The following E2F7 variants were observed in gnomAD, a reference collection of about 807,000 sequenced individuals.
E2F7 encodes the protein transcription factor E2F7.
Under a neutral mutation model 81.1 loss-of-function variants are expected in E2F7, and 35 were observed. The observed-to-expected ratio is 0.43, with a 90% confidence interval of 0.33 to 0.57. The LOEUF (loss-of-function observed/expected upper bound fraction) is 0.57, where lower values mean the gene tolerates loss of function less well. Ranked by LOEUF, E2F7 falls within the 20% of genes least tolerant of loss-of-function variation. E2F7 has a pLI of 0.04. For missense variants in E2F7, 961 were observed against 1,093.7 expected (o/e 0.88, Z 1.71); for synonymous variants, 416 against 416.2 (o/e 1.00, Z 0.01).
intron 2 of E2F7, among the ~76,000 whole-genome samples, chr12:77,059,880 G>A (rs943212790): frequency 4.7e-5 from 7 of 149,818 alleles, no homozygotes; most frequent in South Asian, 4.3e-4. Flanking sequence ...GGAGAATAGC[G>A]TGAACCCAGG....
At chr12:77,031,494 A>G (rs1038330572) in intron 9 of E2F7, among the ~76,000 whole-genome samples, 12 of 152,118 alleles carry the variant, frequency 7.9e-5, no homozygotes, top group African/African-American at 2.9e-4. Context: ...TACAAAAATT[A>G]GCTGGGCATG....
In E2F7 at chr12:77,033,051, G is replaced by A; in HGVS notation, c.1381C>T (p.Gln461Ter). 1 of 1,612,832 alleles carries A rather than the reference G, an allele frequency of 6.2e-7. No individual in the cohort carries two copies. Among genetic ancestry groups the A allele is most frequent in the Non-Finnish European group, 8.5e-7 (1 of 1,179,432 alleles). Reference sequence around the variant, plus strand: ...TCTGAGCTTTTATAGACTACTTACTGTGAATTGTCTTCTATTTTCTGTCTA... The same window carrying A: ...TCTGAGCTTTTATAGACTACTTACTATGAATTGTCTTCTATTTTCTGTCTA... ...VYRQKIEDNSQGKAFASKRVV... is the reference protein window; with the variant it reads ...VYRQKIEDNS Residue 461 changes from glutamine (Q) to a stop codon, truncating the protein, a stop_gained and splice_region_variant, in exon 9 of 13, where the codon CAG (glutamine) becomes TAG (stop). Coordinates refer to ENST00000322886, the MANE Select transcript of E2F7 (RefSeq NM_203394.3). LOFTEE classifies it high-confidence loss of function.
chr12:77,023,335 G>A lies in E2F7; in HGVS notation c.*680C>T, dbSNP rs1954729519. On this transcript the variant is annotated 3_prime_UTR_variant, in exon 13 of 13. Coordinates refer to ENST00000322886, the MANE Select transcript of E2F7 (RefSeq NM_203394.3). The stretch of plus-strand genomic sequence containing the variant: ...GGTTAGCACAGTTCATTTACAGCAA[G>A]GTGTGTCATTCACAGTTATTTTGGT... The A allele has an allele frequency of 6.6e-6, 1 of 152,624 alleles. No individual in the cohort carries two copies. Among genetic ancestry groups the A allele is most frequent in the Admixed American group, 6.5e-5 (1 of 15,274 alleles). 9.5% of individuals were successfully genotyped at this position (152,624 alleles called of 1,614,324 possible).
At chr12:77,028,659 A>G (rs1197619270) in intron 10 of E2F7, among the ~76,000 whole-genome samples, 2 of 151,932 alleles carry the variant, frequency 1.3e-5, no homozygotes, top group African/African-American at 2.4e-5. Context: ...TATTTTTAGT[A>G]GAGACAGGGT....
rs1954908463 is a variant in E2F7, at chr12:77,043,195, C to G, written c.993G>C (p.Lys331Asn). 6.2e-7 allele frequency: 1 copy of G among 1,614,024 alleles called. No homozygotes were observed. The highest frequency in any genetic ancestry group is 8.5e-7 in the Non-Finnish European group (1 of 1,180,006). Residue 331 changes from lysine to asparagine, a missense_variant, in exon 7 of 13, where the codon AAG (lysine) becomes AAC (asparagine). This residue lies in a region of E2F7 where 301 missense variants were observed against 405.0 expected (regional missense o/e 0.74). Transcript: ENST00000322886. ...DAPDHSKFKT[K>N]VRRLYDIANV... Reference sequence around the variant, plus strand: ...TGGCTATGTCATAGAGGCGTCGTACCTTTGCTTGAAGATATAAAACACGAT... The same window carrying G: ...TGGCTATGTCATAGAGGCGTCGTACGTTTGCTTGAAGATATAAAACACGAT...
chr12:77,027,027 A>G (rs1954765427), intron 11 of E2F7, among the ~76,000 whole-genome samples: 1 of 152,170 alleles, frequency 6.6e-6, no homozygotes, highest in Non-Finnish European at 1.5e-5. Flanking sequence ...GGCTGAATCT[A>G]TTTTTGTTCA....
At chr12:77,028,722 C>T (rs1167522745) in intron 10 of E2F7, among the ~76,000 whole-genome samples, 2 of 152,136 alleles carry the variant, frequency 1.3e-5, no homozygotes, top group African/African-American at 4.8e-5. Flanking sequence ...GATCCGCCCG[C>T]CTCGGCCTCC....
At chr12:77,053,443 A>C (rs574347419) in intron 3 of E2F7, among the ~76,000 whole-genome samples, 1 of 152,314 alleles carries the variant, frequency 6.6e-6, no homozygotes, top group South Asian at 2.1e-4. Context: ...GGAAGACTCC[A>C]GTGTACACTT....
Position 77,043,152 on chromosome 12 carries a change from C to A in E2F7, c.1036G>T (p.Ala346Ser). ...YDIANVLTSLALIKKVHVTEE... is the reference protein window; with the variant it reads ...YDIANVLTSLSLIKKVHVTEE... ...GTTACATGCACTTTCTTTATCAGAG[C>A]CAAGCTGGTCAGAACATTGGCTATG... Residue 346 changes from alanine to serine, a missense_variant, in exon 7 of 13, where the codon GCT (alanine) becomes TCT (serine). Physicochemically the swap from Ala to Ser is moderately conservative, Grantham distance 99 (BLOSUM62 1). Coordinates refer to ENST00000322886, the MANE Select transcript of E2F7 (RefSeq NM_203394.3). 2 of 1,614,150 alleles carry A rather than the reference C, an allele frequency of 1.2e-6. No individual in the cohort carries two copies. The highest frequency in any genetic ancestry group is 2.2e-5 in the South Asian group (2 of 91,082).
chr12:77,036,080 C>G (rs1246780836), intron 7 of E2F7, among the ~76,000 whole-genome samples: 3 of 110,474 alleles, frequency 2.7e-5, no homozygotes, highest in East Asian at 4.6e-4. Context: ...TAAGTGGAAT[C>G]TGTAAAAATA....
Position 77,025,624 on chromosome 12 carries a change from A to G in E2F7, c.2499T>C (p.Ser833=). The G allele has an allele frequency of 3.1e-6, 5 of 1,614,186 alleles. No homozygotes were observed. Among genetic ancestry groups the G allele is most frequent in the Non-Finnish European group, 4.2e-6 (5 of 1,180,032 alleles). ...NLSPVMSRSH[S]VVQQPESPVY... ...CGGGGGACTCAGGTTGTTGGACGAC[A>G]CTGTGTGACCTTGACATCACTGGAC... is the stretch of plus-strand genomic sequence containing the variant. Residue 833 remains serine (S), a synonymous_variant, in exon 12 of 13, where the codon AGT becomes AGC. Transcript: ENST00000322886.
In E2F7 at chr12:77,046,311, T is replaced by C; in HGVS notation, c.556A>G (p.Ile186Val). The change falls in exon 5 of 13, where the codon ATC (isoleucine) becomes GTC (valine). Residue 186 changes from isoleucine (I) to valine (V), a missense_variant. This residue lies in a region of E2F7 where 301 missense variants were observed against 405.0 expected (regional missense o/e 0.74). Transcript: ENST00000322886. ...TCCAGCACATTTACAATGTCATAGA[T>C]GCGTCTCCTTTCCACACCTGTTTGA... ...AVSLGVERRR[I>V]YDIVNVLESL... 6.2e-7 allele frequency: 1 copy of C among 1,613,386 alleles called. No individual in the cohort carries two copies. Among genetic ancestry groups the C allele is most frequent in the Non-Finnish European group, 8.5e-7 (1 of 1,179,472 alleles).
chr12:77,034,342 C>G (rs1386724254), intron 7 of E2F7, among the ~76,000 whole-genome samples: 1 of 152,138 alleles, frequency 6.6e-6, no homozygotes, highest in Non-Finnish European at 1.5e-5. Flanking sequence ...TTAGAATGAG[C>G]CTCACATTTT....
intron 5 of E2F7, 136 bp downstream of exon 5, chr12:77,045,902 C>T: frequency 8.7e-7 from 1 of 1,147,654 alleles, no homozygotes. Flanking sequence ...GCTTCTCTTT[C>T]TTCAGTGAGG....
intron 7 of E2F7, among the ~76,000 whole-genome samples, chr12:77,040,733 T>C (rs894412960): frequency 6.6e-6 from 1 of 152,120 alleles, no homozygotes; most frequent in African/African-American, 2.4e-5. Context: ...AGGAGGAGGC[T>C]TTTGAAGGTA....
At chr12:77,047,755 T>C (rs1255354736) in intron 4 of E2F7, among the ~76,000 whole-genome samples, 1 of 152,222 alleles carries the variant, frequency 6.6e-6, no homozygotes, top group Non-Finnish European at 1.5e-5. Flanking sequence ...CCTGAAAGGC[T>C]TGTTACCCTC....
chr12:77,063,210 A>T (rs1439416783), intron 2 of E2F7, among the ~76,000 whole-genome samples: 1 of 152,178 alleles, frequency 6.6e-6, no homozygotes, highest in Non-Finnish European at 1.5e-5. Context: ...AATGGCTCCA[A>T]AGCACAAGAG....
chr12:77,061,925 C>T (rs976274712), intron 2 of E2F7, among the ~76,000 whole-genome samples: 1 of 152,230 alleles, frequency 6.6e-6, no homozygotes, highest in Admixed American at 6.5e-5. Flanking sequence ...TAAGGCTTAG[C>T]CCAAATGTTC....
rs1418634280 is a variant in E2F7 at position 77,021,360 on chromosome 12, A to G, written c.*2655T>C. 6.5e-6 allele frequency: 1 copy of G among 152,694 alleles called. No individual in the cohort carries two copies. Among genetic ancestry groups the G allele is most frequent in the Admixed American group, 6.5e-5 (1 of 15,290 alleles). The allele number at this position is 152,694 out of a possible 1,614,324, so 9.5% of individuals were successfully genotyped here. A position where few individuals can be genotyped will look rare whatever the true frequency, so the allele number is the denominator to read the frequency against. On this transcript the variant is annotated 3_prime_UTR_variant, in exon 13 of 13. Coordinates refer to ENST00000322886, the MANE Select transcript of E2F7 (RefSeq NM_203394.3). ...GTTTACATGTAGTACAGTTACAAGT[A>G]AATAGCTATAGATAATATAGCCATT... is the stretch of plus-strand genomic sequence containing the variant.
Sources: allele counts gnomAD v4.1 joint callset (sites outside exome capture counted in the v4.1 genomes callset), GRCh38; gene constraint gnomAD v4.1.1; regional missense constraint gnomAD v4.1.1; transcripts MANE v1.5; gene names NCBI Gene and HGNC (gene_info 2026-07-23, HGNC 2026-07-21).